SEPTIN7: variants seen among roughly 807,000 people sequenced by gnomAD.
The protein encoded by SEPTIN7 is septin-7.
SEPTIN7 carries 10 observed loss-of-function variants against 63.3 expected under a neutral mutation model. The observed-to-expected ratio is 0.16, with a 90% CI of 0.10 to 0.27. The LOEUF (loss-of-function observed/expected upper bound fraction) is 0.27. SEPTIN7 is among the 10% of genes least tolerant of loss of function. The probability of loss-of-function intolerance (pLI) is 1.00; values close to 1 mark genes in which losing one functional copy is unlikely to be tolerated. For synonymous variants in SEPTIN7, 131 were observed against 165.3 expected (o/e 0.79, Z 1.59); for missense variants, 310 against 521.0 (o/e 0.59, Z 3.94).
intron 3 of SEPTIN7, among the ~76,000 whole-genome samples, chr7:35,859,042 G>T (rs1312226141): frequency 6.6e-6 from 1 of 151,600 alleles, no homozygotes; most frequent in Non-Finnish European, 1.5e-5. Flanking sequence ...TCTTGTTTTT[G>T]CTAGCTTTGA....
Position 35,808,873 on chromosome 7 carries a change from A to T in SEPTIN7, c.61+7603A>T, listed in dbSNP as rs1788523744. 2.0e-5 allele frequency among the ~76,000 whole-genome samples: 3 copies of T among 152,160 alleles called. No homozygotes were observed. In the South Asian group the frequency reaches 6.2e-4, roughly 32 times the overall value. Reference sequence around the variant, plus strand: ...AGACATTAATTTCCAGTGTTTTGCTATTACCAACTTTGACATGGTGAGTCA... The same window carrying T: ...AGACATTAATTTCCAGTGTTTTGCTTTTACCAACTTTGACATGGTGAGTCA... On this transcript the variant is annotated intron_variant, in intron 1 of 13. Transcript: ENST00000350320.
chr7:35,815,435 A>T (rs910568931), intron 1 of SEPTIN7, among the ~76,000 whole-genome samples: 8 of 152,230 alleles, frequency 5.3e-5, no homozygotes, highest in African/African-American at 1.7e-4. Context: ...TGGTACATCG[A>T]TTCCAATCTA....
At chr7:35,874,701 C>G (rs1786369320) in intron 6 of SEPTIN7, among the ~76,000 whole-genome samples, 1 of 152,016 alleles carries the variant, frequency 6.6e-6, no homozygotes, top group South Asian at 2.1e-4. Context: ...GGTCAATGCC[C>G]ATTATCACTC....
intron 1 of SEPTIN7, among the ~76,000 whole-genome samples, chr7:35,805,338 T>C (rs1788262989): frequency 6.6e-6 from 1 of 152,220 alleles, no homozygotes; most frequent in African/African-American, 2.4e-5. Flanking sequence ...TTGGACATAC[T>C]GCATGACTAT....
intron 6 of SEPTIN7, chr7:35,874,154 T>C (rs1474194534): frequency 6.3e-6 from 1 of 159,134 alleles, no homozygotes; most frequent in Non-Finnish European, 1.4e-5. Flanking sequence ...AAGATGCTAT[T>C]TATTATAAGT....
At chr7:35,908,314 CT>C (rs1788672117), downstream of SEPTIN7, among the ~76,000 whole-genome samples, 1 of 152,280 alleles carries the variant, frequency 6.6e-6, no homozygotes, top group East Asian at 1.9e-4. Flanking sequence ...TTCCTGTGTT[CT>C]TTAGAAGACT....
chr7:35,822,525 A>G (rs1210432129), intron 1 of SEPTIN7, among the ~76,000 whole-genome samples: 1 of 152,114 alleles, frequency 6.6e-6, no homozygotes, highest in East Asian at 1.9e-4. Context: ...ATGAGAATCT[A>G]ATGCTGCCGC....
Position 35,885,814 on chromosome 7 carries a change from C to T in SEPTIN7, c.821-14C>T. The T allele has an allele frequency of 1.3e-6, 2 of 1,595,638 alleles. No individual in the cohort carries two copies. Among genetic ancestry groups the T allele is most frequent in the Non-Finnish European group, 1.7e-6 (2 of 1,166,112 alleles). The stretch of plus-strand genomic sequence containing the variant: ...GTGGAAATATAACATATGCGGTCTG[C>T]TTTTTTCTTACAGTTGAAAATGGTG... On this transcript the variant is annotated splice_polypyrimidine_tract_variant and intron_variant, in intron 9 of 13. Transcript: ENST00000350320.
Position 35,837,980 on chromosome 7 carries a change from C to T in SEPTIN7, c.169+5080C>T, listed in dbSNP as rs149356743. Among the ~76,000 whole-genome samples, 121 of 152,222 alleles carry T rather than the reference C, an allele frequency of 7.9e-4. 1 individual carries two copies. In the East Asian group the frequency reaches 0.018, roughly 23 times the overall value. On this transcript the variant is annotated intron_variant, in intron 3 of 13. Transcript: ENST00000350320. The stretch of plus-strand genomic sequence containing the variant: ...TTGACCTCAGGTGATCCACTTGCCT[C>T]GGCCTCCCAAAGTACTGGGATTACA...
At chr7:35,891,139 G>C (rs1381350270) in intron 11 of SEPTIN7, among the ~76,000 whole-genome samples, 1 of 152,146 alleles carries the variant, frequency 6.6e-6, no homozygotes, top group East Asian at 1.9e-4. Context: ...TGGTGTAAGT[G>C]ACTACCAAGT....
chr7:35,859,211 A>G (rs1158032344), intron 3 of SEPTIN7, among the ~76,000 whole-genome samples: 1 of 151,092 alleles, frequency 6.6e-6, no homozygotes, highest in Non-Finnish European at 1.5e-5. Flanking sequence ...TTTTATTTTT[A>G]TTTTGTCTCA....
At chr7:35,836,409 T>G (rs796923383) in intron 3 of SEPTIN7, among the ~76,000 whole-genome samples, 34 of 152,348 alleles carry the variant, frequency 2.2e-4, no homozygotes, top group Middle Eastern at 3.4e-3. Context: ...CCTAGGAAGA[T>G]AGAATCCAAA....
chr7:35,822,681 G>C (rs1745346936), intron 1 of SEPTIN7, among the ~76,000 whole-genome samples: 1 of 152,202 alleles, frequency 6.6e-6, no homozygotes, highest in African/African-American at 2.4e-5. Flanking sequence ...TGGCCTGGAA[G>C]TTGGGGACCC....
chr7:35,833,826 C>G (rs573445736), intron 3 of SEPTIN7, among the ~76,000 whole-genome samples: 1 of 151,912 alleles, frequency 6.6e-6, no homozygotes, highest in South Asian at 2.1e-4. Context: ...GTTAATTGAA[C>G]TAGCTGTGAA....
chr7:35,858,077 G>A (rs1785298563), intron 3 of SEPTIN7, among the ~76,000 whole-genome samples: 2 of 151,928 alleles, frequency 1.3e-5, no homozygotes, highest in South Asian at 2.1e-4. Flanking sequence ...GAGTAGATGG[G>A]ATTACCAGGC....
intron 10 of SEPTIN7, among the ~76,000 whole-genome samples, chr7:35,889,980 C>T (rs1583633711): frequency 6.6e-6 from 1 of 152,128 alleles, no homozygotes. Flanking sequence ...ATTGCCACAC[C>T]ATGTATATCC....
chr7:35,873,840 T>A, intron 6 of SEPTIN7, 65 bp downstream of exon 6: 1 of 1,454,918 alleles, frequency 6.9e-7, no homozygotes, highest in Non-Finnish European at 9.6e-7. Flanking sequence ...TTTATGTGCA[T>A]ACTTTAGTAA....
At chr7:35,866,928 A>G (rs1785841072) in intron 4 of SEPTIN7, among the ~76,000 whole-genome samples, 1 of 152,148 alleles carries the variant, frequency 6.6e-6, no homozygotes, top group African/African-American at 2.4e-5. Flanking sequence ...ATGGTTTGCT[A>G]TATAGCAGGT....
chr7:35,873,172 A>G (rs1286035133), intron 5 of SEPTIN7, among the ~76,000 whole-genome samples: 1 of 152,082 alleles, frequency 6.6e-6, no homozygotes, highest in African/African-American at 2.4e-5. Context: ...GAAAACAACT[A>G]TGAAATTTTA....
Sources: gnomAD v4.1 joint callset for allele counts (sites outside exome capture counted in the v4.1 genomes callset) on GRCh38, gnomAD v4.1.1 for gene constraint, MANE v1.5 for transcripts, NCBI Gene and HGNC (gene_info 2026-07-23, HGNC 2026-07-21) for gene names.